PRELID3A: variants seen among roughly 807,000 people sequenced by gnomAD.
PRELID3A encodes the protein PRELI domain containing 3A.
PRELID3A carries 27 observed loss-of-function variants against 23.0 expected under a neutral mutation model. That is an observed-to-expected ratio of 1.17 (90% CI 0.87 to 1.62). PRELID3A has a LOEUF of 1.62. Ranked by LOEUF, PRELID3A falls within the 40% of genes most tolerant of loss-of-function variation. The pLI is 0.00. For missense variants in PRELID3A, 231 were observed against 231.4 expected, an observed-to-expected ratio of 1.00 and a Z score of 0.01; for synonymous variants, 87 against 86.4, an observed-to-expected ratio of 1.01 and a Z score of -0.04.
At chr18:12,411,666 T>C (rs902378463) in intron 1 of PRELID3A, among the ~76,000 whole-genome samples, 8 of 152,162 alleles carry the variant, frequency 5.3e-5, no homozygotes, top group Non-Finnish European at 8.8e-5. Context: ...GGACGGGCTT[T>C]GGGGCATGGG....
intron 1 of PRELID3A, among the ~76,000 whole-genome samples, chr18:12,415,819 C>T (rs1158447007): frequency 2.0e-5 from 3 of 152,176 alleles, no homozygotes; most frequent in African/African-American, 4.8e-5. Flanking sequence ...TTTCATTCCC[C>T]AGCTCAGAAA....
intron 6 of PRELID3A, among the ~76,000 whole-genome samples, chr18:12,430,135 G>A (rs2030520124): frequency 6.6e-6 from 1 of 152,192 alleles, no homozygotes; most frequent in Non-Finnish European, 1.5e-5. Flanking sequence ...TGCTGATTTT[G>A]CCTGAGTCAC....
chr18:12,425,049 A>C (rs1406411937), intron 3 of PRELID3A, among the ~76,000 whole-genome samples: 2 of 152,202 alleles, frequency 1.3e-5, no homozygotes, highest in Admixed American at 1.3e-4. Context: ...AGGCTGAGGC[A>C]GGAGAATCGC....
At chr18:12,426,576 T>C (rs2030387149) in intron 3 of PRELID3A, among the ~76,000 whole-genome samples, 1 of 37,218 alleles carries the variant, frequency 2.7e-5, no homozygotes, top group African/African-American at 7.7e-5. Context: ...AGTATAAATA[T>C]GTACATAAGG....
intron 1 of PRELID3A, among the ~76,000 whole-genome samples, chr18:12,411,912 CTT>C (rs773964175): frequency 2.0e-4 from 27 of 138,036 alleles, no homozygotes; most frequent in Non-Finnish European, 1.7e-4. Context: ...TCTTTTCTTT[CTT>C]TTTTTTTTTT....
At chr18:12,412,189 C>CTT (rs763784337) in intron 1 of PRELID3A, among the ~76,000 whole-genome samples, 8 of 140,598 alleles carry the variant, frequency 5.7e-5, no homozygotes, top group East Asian at 2.1e-4. Context: ...GGCGCCCGGC[C>CTT]TTTTTTTTTT....
intron 3 of PRELID3A, among the ~76,000 whole-genome samples, 197 bp from the exon 4 acceptor site, chr18:12,426,844 G>A (rs968666828): frequency 2.0e-5 from 3 of 152,188 alleles, no homozygotes; most frequent in African/African-American, 7.2e-5. Context: ...GACATGGGAA[G>A]AAGATAGATG....
chr18:12,420,310 A>T lies in PRELID3A; in HGVS notation c.33-15A>T, dbSNP rs761525473. On this transcript the variant is annotated splice_polypyrimidine_tract_variant and intron_variant, in intron 1 of 6. Coordinates refer to ENST00000440960, the MANE Select transcript of PRELID3A (RefSeq NM_001142405.2). ...CCCCGGCGCTTGCTCACCGCCGCCT[A>T]TGCTCTCCCCGCAGCCACCCGTGGG... The T allele has an allele frequency of 1.3e-6, 2 of 1,594,724 alleles. No individual in the cohort carries two copies. The highest frequency in any genetic ancestry group is 1.7e-6 in the Non-Finnish European group (2 of 1,171,482).
At chr18:12,417,411 T>A (rs1444345160) in intron 1 of PRELID3A, among the ~76,000 whole-genome samples, 1 of 151,980 alleles carries the variant, frequency 6.6e-6, no homozygotes, top group Non-Finnish European at 1.5e-5. Context: ...TGACCTCAAG[T>A]GATCTGCCCG....
In PRELID3A at chr18:12,407,953, G is replaced by A. The variant is rs760852827; in HGVS notation, c.-23G>A. The A allele has an allele frequency of 3.9e-6, 5 of 1,293,792 alleles. No homozygotes were observed. The South Asian group carries it at 7.5e-5, about 19-fold the overall frequency. 80.1% of individuals were successfully genotyped at this position (1,293,792 alleles called of 1,614,324 possible). A position where few individuals can be genotyped will look rare whatever the true frequency, so the allele number is the denominator to read the frequency against. On this transcript the variant is annotated 5_prime_UTR_variant, in exon 1 of 7. Transcript: ENST00000440960. ...CGAAGCACCCGGCCCGGATCGCAGA[G>A]CCCGCGCCCTGCGCCGGCGGCAATG...
At chr18:12,420,213 T>G in intron 1 of PRELID3A, 112 bp from the exon 2 acceptor site, 2 of 1,450,424 alleles carry the variant, frequency 1.4e-6, no homozygotes, top group South Asian at 2.9e-5. Context: ...AGCCTTTCAT[T>G]AAAGTGAAGA....
chr18:12,416,250 A>G (rs1197783633), intron 1 of PRELID3A, among the ~76,000 whole-genome samples: 6 of 151,800 alleles, frequency 4.0e-5, no homozygotes, highest in South Asian at 4.2e-4. Flanking sequence ...AGACTTGTCT[A>G]TTTTTGCCCA....
chr18:12,429,122 G>A (rs546642584), intron 5 of PRELID3A, among the ~76,000 whole-genome samples: 2 of 152,164 alleles, frequency 1.3e-5, no homozygotes, highest in Admixed American at 6.5e-5. Flanking sequence ...GAGCTAAGCC[G>A]GGCGCTGGTT....
intron 1 of PRELID3A, among the ~76,000 whole-genome samples, chr18:12,408,529 G>C (rs1466759634): frequency 6.6e-6 from 1 of 152,222 alleles, no homozygotes; most frequent in Non-Finnish European, 1.5e-5. Context: ...GGGGGCCCTG[G>C]CTCTGAACTC....
chr18:12,414,010 C>G (rs768842647), intron 1 of PRELID3A, among the ~76,000 whole-genome samples: 4 of 152,164 alleles, frequency 2.6e-5, no homozygotes, highest in Non-Finnish European at 4.4e-5. Flanking sequence ...TCTGAATAAG[C>G]AAAGTTTATC....
chr18:12,412,202 T>C (rs1371368902), intron 1 of PRELID3A, among the ~76,000 whole-genome samples: 3 of 149,434 alleles, frequency 2.0e-5, no homozygotes, highest in African/African-American at 2.5e-5. Context: ...TTTTTTTTTT[T>C]TTCCAGGTGG....
chr18:12,427,022 C>T lies in PRELID3A; in HGVS notation c.292-19C>T, dbSNP rs1411820257. The T allele has an allele frequency of 6.9e-6, 11 of 1,586,414 alleles. No homozygotes were observed. In the Admixed American group the frequency reaches 8.3e-5, roughly 12 times the overall value. On this transcript the variant is annotated intron_variant, in intron 3 of 6. Transcript: ENST00000440960. ...AAATGCAAGAGAAATACAATCTAAA[C>T]CTTTTTTTTCTTTTTAAGATCACAC...
intron 1 of PRELID3A, among the ~76,000 whole-genome samples, chr18:12,412,984 C>T (rs1268000763): frequency 6.6e-6 from 1 of 152,150 alleles, no homozygotes; most frequent in Admixed American, 6.6e-5. Flanking sequence ...ATATCTGCTT[C>T]TGCAGTCTGT....
intron 2 of PRELID3A, 32 bp downstream of exon 2, chr18:12,420,525 C>T: frequency 1.4e-6 from 2 of 1,481,074 alleles, no homozygotes; most frequent in Non-Finnish European, 1.8e-6. Context: ...GCTCCGAACG[C>T]GCCCGACTCC....
Sources: gnomAD v4.1 joint callset for allele counts (sites outside exome capture counted in the v4.1 genomes callset) on GRCh38, gnomAD v4.1.1 for gene constraint, MANE v1.5 for transcripts, NCBI Gene and HGNC (gene_info 2026-07-23, HGNC 2026-07-21) for gene names.